The following RIT2 variants were observed in gnomAD, a reference collection of about 807,000 sequenced individuals.
RIT2 encodes the protein Ras like without CAAX 2.
In RIT2, 24 loss-of-function variants were observed where a neutral mutation model predicts 23.7. The ratio of observed to expected loss-of-function variants is 1.01; its 90% CI spans 0.73 to 1.43. RIT2 has a LOEUF of 1.43. RIT2 is among the 40% of genes most tolerant of loss of function. The pLI, the probability that RIT2 is intolerant of heterozygous loss-of-function variation, is 0.00. For synonymous variants in RIT2, 107 were observed against 91.1 expected (o/e 1.17, Z -0.99); for missense variants, 236 against 266.9 (o/e 0.88, Z 0.81).
intron 4 of RIT2, among the ~76,000 whole-genome samples, chr18:42,911,791 T>C (rs1353516089): frequency 6.6e-6 from 1 of 152,016 alleles, no homozygotes; most frequent in Non-Finnish European, 1.5e-5. Context: ...AATCAGATTT[T>C]TATTTTAAAA....
In RIT2 at chr18:43,115,478, T is replaced by C. The variant is rs781466880; in HGVS notation, c.42A>G (p.Ala14=). ...CCTTGTACTCTCTGGACCCGCCTGA[T>C]GCGCTGCCCGGGGAGCAGCTGGCTT... ...ENEASCSPGS[A]SGGSREYKVV... is the part of the protein sequence containing the mutation. The change falls in exon 1 of 5, where the codon GCA becomes GCG. Residue 14 remains alanine, a synonymous_variant. Coordinates refer to ENST00000326695, the MANE Select transcript of RIT2 (RefSeq NM_002930.4). The C allele has an allele frequency of 1.2e-6, 2 of 1,613,724 alleles. No individual in the cohort carries two copies. The highest frequency in any genetic ancestry group is 8.5e-7 in the Non-Finnish European group (1 of 1,179,804).
chr18:43,049,412 C>T (rs535568511), intron 1 of RIT2, among the ~76,000 whole-genome samples: 1 of 152,074 alleles, frequency 6.6e-6, no homozygotes, highest in Admixed American at 6.6e-5. Flanking sequence ...TAGATATGTT[C>T]TTTTTATTTC....
At chr18:43,037,108 T>A (rs146854901) in intron 1 of RIT2, among the ~76,000 whole-genome samples, 1 of 152,212 alleles carries the variant, frequency 6.6e-6, no homozygotes, top group Non-Finnish European at 1.5e-5. Flanking sequence ...TCTTAATACA[T>A]TGGTTCTAAA....
intron 4 of RIT2, among the ~76,000 whole-genome samples, chr18:42,815,943 C>T (rs576476777): frequency 2.0e-5 from 3 of 152,180 alleles, no homozygotes; most frequent in East Asian, 3.9e-4. Context: ...ATGTTGAAAA[C>T]GTCATTAATT....
At chr18:42,867,165 C>A (rs1386533930) in intron 4 of RIT2, among the ~76,000 whole-genome samples, 1 of 152,114 alleles carries the variant, frequency 6.6e-6, no homozygotes, top group Non-Finnish European at 1.5e-5. Context: ...ACTCTACTAA[C>A]ATGAGAACAT....
intron 3 of RIT2, among the ~76,000 whole-genome samples, chr18:42,966,742 A>G (rs672032): frequency 0.11 from 16,682 of 152,106 alleles, 1,377 homozygotes; most frequent in East Asian, 0.26. Context: ...CTTTTGTATC[A>G]ATATGGAACA....
chr18:42,830,448 C>G (rs965731865), intron 4 of RIT2, among the ~76,000 whole-genome samples: 7 of 152,202 alleles, frequency 4.6e-5, no homozygotes, highest in Admixed American at 4.6e-4. Context: ...GAACTCCTTC[C>G]TGAGAGGCTT....
At chr18:42,967,878 T>A (rs1158397772) in intron 3 of RIT2, among the ~76,000 whole-genome samples, 1 of 151,996 alleles carries the variant, frequency 6.6e-6, no homozygotes, top group Non-Finnish European at 1.5e-5. Flanking sequence ...TATCTTACAT[T>A]TTAAAATAAT....
chr18:43,024,731 C>CA (rs1159200788), intron 2 of RIT2, among the ~76,000 whole-genome samples: 1 of 151,418 alleles, frequency 6.6e-6, no homozygotes, highest in Non-Finnish European at 1.5e-5. Context: ...ACAACAACAA[C>CA]AACAACAACA....
chr18:42,967,529 C>G (rs558728275), intron 3 of RIT2, among the ~76,000 whole-genome samples: 2 of 144,982 alleles, frequency 1.4e-5, no homozygotes, highest in South Asian at 4.5e-4. Flanking sequence ...GCCACCACGC[C>G]CGGCTAATTT....
chr18:42,970,789 C>A (rs1598734287), intron 3 of RIT2, among the ~76,000 whole-genome samples: 1 of 151,994 alleles, frequency 6.6e-6, no homozygotes, highest in Non-Finnish European at 1.5e-5. Flanking sequence ...CAAACCTGAG[C>A]ATAAAAATAC....
intron 3 of RIT2, among the ~76,000 whole-genome samples, chr18:42,961,298 T>C (rs934836287): frequency 3.9e-5 from 6 of 152,222 alleles, no homozygotes; most frequent in African/African-American, 7.2e-5. Context: ...TGCTTAGAAA[T>C]ACTATTAAAG....
intron 3 of RIT2, among the ~76,000 whole-genome samples, chr18:42,933,058 T>C (rs1909365476): frequency 6.6e-6 from 1 of 152,196 alleles, no homozygotes; most frequent in Middle Eastern, 3.2e-3. Flanking sequence ...GTTTAACACT[T>C]ATGTTGCACT....
At chr18:43,071,902 C>T (rs1196622522) in intron 1 of RIT2, among the ~76,000 whole-genome samples, 2 of 151,912 alleles carry the variant, frequency 1.3e-5, no homozygotes, top group Non-Finnish European at 1.5e-5. Context: ...CATTTATTCC[C>T]CTTCTGAATC....
rs62092693 is a variant in RIT2 at position 43,050,887 on chromosome 18, G to A, written c.104-17020C>T. 6.7e-3 allele frequency among the ~76,000 whole-genome samples: 1,023 copies of A among 152,162 alleles called. 7 individuals are homozygous for A. Among genetic ancestry groups the A allele is most frequent in the Admixed American group, 0.013 (202 of 15,266 alleles). ...CCCCTTCCCCTATACTTTGCCCTAC[G>A]TGTCTCTTCATTTGTATCCTTTTGA... is the stretch of plus-strand genomic sequence containing the variant. On this transcript the variant is annotated intron_variant, in intron 1 of 4. Transcript: ENST00000326695.
chr18:42,897,758 T>C (rs563644841), intron 4 of RIT2, among the ~76,000 whole-genome samples: 14 of 152,218 alleles, frequency 9.2e-5, no homozygotes, highest in African/African-American at 3.1e-4. Flanking sequence ...ACTAGACATA[T>C]AATTTTAAAA....
rs537890487 is a variant in RIT2, at chr18:42,997,451, A to T, written c.161-23304T>A. Among the ~76,000 whole-genome samples, 4 of 152,188 alleles carry T rather than the reference A, an allele frequency of 2.6e-5. No individual in the cohort carries two copies. In the South Asian group the frequency reaches 6.2e-4, roughly 24 times the overall value. On this transcript the variant is annotated intron_variant, in intron 2 of 4. Coordinates refer to ENST00000326695, the MANE Select transcript of RIT2 (RefSeq NM_002930.4). ...ACAAAAAAAAGGAACGAAAGAAAGA[A>T]AGAAGAGAGAGAAGAAGGGGGAGGG...
At chr18:42,807,119 C>A (rs1905705447) in intron 4 of RIT2, among the ~76,000 whole-genome samples, 1 of 152,080 alleles carries the variant, frequency 6.6e-6, no homozygotes, top group Admixed American at 6.5e-5. Context: ...AATTATGTAT[C>A]TTTGAATCTT....
intron 1 of RIT2, among the ~76,000 whole-genome samples, chr18:43,098,302 T>A (rs748380167): frequency 6.6e-6 from 1 of 151,894 alleles, no homozygotes; most frequent in Non-Finnish European, 1.5e-5. Context: ...CAGAAACATG[T>A]GTCTTCCTTT....
Sources: allele counts gnomAD v4.1 joint callset (sites outside exome capture counted in the v4.1 genomes callset), GRCh38; gene constraint gnomAD v4.1.1; transcripts MANE v1.5; gene names NCBI Gene and HGNC (gene_info 2026-07-23, HGNC 2026-07-21).